DICER1: variants seen among roughly 807,000 people sequenced by gnomAD.
DICER1 encodes the protein endoribonuclease Dicer.
A neutral mutation model predicts 194.1 loss-of-function variants in DICER1; 43 were observed. The observed-to-expected ratio is 0.22, with a 90% CI of 0.17 to 0.29. The LOEUF is 0.29. DICER1 is among the 10% of genes least tolerant of loss of function. DICER1 has a pLI of 1.00. For synonymous variants in DICER1, 832 were observed against 820.5 expected (o/e 1.01, Z -0.24); for missense variants, 1,608 against 2,317.0 (o/e 0.69, Z 6.28).
At chr14:95,104,919 T>C in intron 20 of DICER1, 152 bp downstream of exon 20, 1 of 717,866 alleles carries the variant, frequency 1.4e-6, no homozygotes, top group South Asian at 1.8e-5. Flanking sequence ...CAGATTCTCA[T>C]CTCCCTCTGA....
At chr14:95,108,540 G>A (rs1595382816) in intron 14 of DICER1, 37 bp from the exon 15 acceptor site, 1 of 1,572,680 alleles carries the variant, frequency 6.4e-7, no homozygotes, top group East Asian at 2.2e-5. Context: ...TCATGCTCAA[G>A]CATATTAGCC....
intron 22 of DICER1, among the ~76,000 whole-genome samples, chr14:95,096,991 T>G (rs190816602): frequency 6.6e-6 from 1 of 152,226 alleles, no homozygotes; most frequent in East Asian, 1.9e-4. Flanking sequence ...TGAACATGGA[T>G]ATAAAGTTAA....
chr14:95,099,183 G>A lies in DICER1; in HGVS notation c.4206+597C>T, dbSNP rs907011125. On this transcript the variant is annotated intron_variant, in intron 22 of 26. Transcript: ENST00000343455. ...CTGCAGTTTGGAGGCCCTCCCAAGT[G>A]CCCTCTGGTGGCCTTCAAGACAAGA... Among the ~76,000 whole-genome samples, 31 of 152,176 alleles carry A rather than the reference G, an allele frequency of 2.0e-4. 1 individual carries two copies. Among genetic ancestry groups the A allele is most frequent in the Non-Finnish European group, 1.0e-4 (7 of 68,030 alleles).
At chr14:95,130,035 T>C (rs779277418) in intron 5 of DICER1, 23 bp downstream of exon 5, 15 of 1,610,130 alleles carry the variant, frequency 9.3e-6, no homozygotes, top group African/African-American at 4.0e-5. Flanking sequence ...CAAGAATTAC[T>C]AAGACTTAGG....
chr14:95,094,931 C>T (rs1228268359), intron 23 of DICER1, among the ~76,000 whole-genome samples: 3 of 152,126 alleles, frequency 2.0e-5, no homozygotes, highest in African/African-American at 4.8e-5. Flanking sequence ...GACTGCTAGG[C>T]GAGAACCCAG....
chr14:95,153,216 C>CAAA (rs201007123), intron 1 of DICER1, among the ~76,000 whole-genome samples: 12 of 111,742 alleles, frequency 1.1e-4, no homozygotes, highest in Admixed American at 5.5e-4. Flanking sequence ...GACTCCGTCT[C>CAAA]AAAAAAAAAA....
chr14:95,107,113 G>A (rs527639949), intron 17 of DICER1, among the ~76,000 whole-genome samples: 260 of 152,150 alleles, frequency 1.7e-3, no homozygotes, highest in African/African-American at 5.9e-3. Context: ...GAAATCCTGG[G>A]CTGAAGCAAT....
Position 95,088,335 on chromosome 14 carries a change from T to C in DICER1, c.*2163A>G, listed in dbSNP as rs1421177299. On this transcript the variant is annotated 3_prime_UTR_variant, in exon 27 of 27. Transcript: ENST00000343455. The stretch of plus-strand genomic sequence containing the variant: ...AACTGTGAAAACAATCTGATTTTGG[T>C]GCCAGGAATCAAGAGAATCCCGTAA... 3 of 232,138 alleles carry C rather than the reference T, an allele frequency of 1.3e-5. No homozygotes were observed. The highest frequency in any genetic ancestry group is 2.2e-5 in the African/African-American group (1 of 45,252). 14.4% of individuals were successfully genotyped at this position (232,138 alleles called of 1,614,324 possible). A position where few individuals can be genotyped will look rare whatever the true frequency, so the allele number is the denominator to read the frequency against.
chr14:95,089,302 A>C lies in DICER1; in HGVS notation c.*1196T>G, dbSNP rs571697838. 1 of 233,144 alleles carries C rather than the reference A, an allele frequency of 4.3e-6. No homozygotes were observed. The highest frequency in any genetic ancestry group is 5.6e-5 in the Admixed American group (1 of 17,806). The allele number at this position is 233,144 out of a possible 1,614,324, so 14.4% of individuals were successfully genotyped here. On this transcript the variant is annotated 3_prime_UTR_variant, in exon 27 of 27. Coordinates refer to ENST00000343455, the MANE Select transcript of DICER1 (RefSeq NM_177438.3). ...ATCAAAATTACGGCAGTTTATCGCA[A>C]ACGTTAAACTTTCACGGCATTAACA... is the stretch of plus-strand genomic sequence containing the variant.
chr14:95,122,564 T>G (rs1322639218), intron 8 of DICER1, among the ~76,000 whole-genome samples: 2 of 151,870 alleles, frequency 1.3e-5, no homozygotes, highest in African/African-American at 4.8e-5. Context: ...ATTACTATGA[T>G]AGAAAGAACT....
chr14:95,117,842 A>C (rs894037511), intron 8 of DICER1, 88 bp from the exon 9 acceptor site: 1 of 1,358,574 alleles, frequency 7.4e-7, no homozygotes. Context: ...ATGGAAGTAC[A>C]TGCATTTTTT....
At chr14:95,101,400 A>AT (rs1890866146) in intron 21 of DICER1, among the ~76,000 whole-genome samples, 1 of 152,134 alleles carries the variant, frequency 6.6e-6, no homozygotes, top group Non-Finnish European at 1.5e-5. Flanking sequence ...ATCCTATCCT[A>AT]TTGCCTATGC....
chr14:95,116,066 C>A (rs1020572964), intron 10 of DICER1, among the ~76,000 whole-genome samples: 1 of 147,254 alleles, frequency 6.8e-6, no homozygotes, highest in Admixed American at 6.6e-5. Context: ...CAGACACACA[C>A]ACACACACAC....
chr14:95,091,938 TTAA>T (rs1457096671), intron 24 of DICER1, among the ~76,000 whole-genome samples: 7 of 152,200 alleles, frequency 4.6e-5, no homozygotes, highest in Non-Finnish European at 8.8e-5. Context: ...TGTATGCAAA[TTAA>T]TAAAAGAAAA....
chr14:95,106,329 G>T, intron 17 of DICER1, 106 bp from the exon 18 acceptor site: 1 of 873,452 alleles, frequency 1.1e-6, no homozygotes, highest in Non-Finnish European at 1.8e-6. Context: ...GAATTCAAAA[G>T]ATTAAAAATA....
At chr14:95,116,409 T>C (rs1368337699) in intron 10 of DICER1, 44 bp downstream of exon 10, 1 of 1,599,914 alleles carries the variant, frequency 6.3e-7, no homozygotes, top group African/African-American at 1.3e-5. Flanking sequence ...CCACATTAAT[T>C]TTTTTTCCCA....
At chr14:95,093,788 C>A (rs777316539) in intron 24 of DICER1, 100 bp downstream of exon 24, 23 of 1,314,706 alleles carry the variant, frequency 1.7e-5, no homozygotes, top group Non-Finnish European at 2.4e-5. Context: ...CACCCCTGAC[C>A]TCCTGCTGTC....
rs1891397804 is a variant in DICER1, at chr14:95,106,106, T to C, written c.2922A>G (p.Thr974=). ...EYETFAEYYK[T]KYNLDLTNLN... ...GATTGGTTAGGTCAAGGTTGTACTT[T>C]GTTTTATAATATTCTGCAAAAGTTT... The change falls in exon 18 of 27, where the codon ACA becomes ACG. Residue 974 remains threonine (T), a synonymous_variant. Transcript: ENST00000343455. 1 of 1,614,098 alleles carries C rather than the reference T, an allele frequency of 6.2e-7. No homozygotes were observed. Among genetic ancestry groups the C allele is most frequent in the South Asian group, 1.1e-5 (1 of 91,088 alleles).
chr14:95,098,407 G>T (rs1300609633), intron 22 of DICER1, among the ~76,000 whole-genome samples: 1 of 152,080 alleles, frequency 6.6e-6, no homozygotes. Context: ...AAACCACAGT[G>T]TATCTTTTCA....
Sources: gnomAD v4.1 joint callset for allele counts (sites outside exome capture counted in the v4.1 genomes callset) on GRCh38, gnomAD v4.1.1 for gene constraint, MANE v1.5 for transcripts, NCBI Gene and HGNC (gene_info 2026-07-23, HGNC 2026-07-21) for gene names.